RGL4: variants seen among roughly 807,000 people sequenced by gnomAD.
RGL4 encodes ral-GDS-related protein.
A neutral mutation model predicts 49.6 loss-of-function variants in RGL4; 41 were observed. The observed-to-expected ratio is 0.83, with a 90% confidence interval of 0.64 to 1.07. RGL4 has a LOEUF of 1.07. RGL4 is among the 50% of genes least tolerant of loss of function. The pLI, the probability that RGL4 is intolerant of heterozygous loss-of-function variation, is 0.00. For missense variants in RGL4, 610 were observed against 591.9 expected, an observed-to-expected ratio of 1.03 and a Z score of -0.32; for synonymous variants, 255 against 238.0, an observed-to-expected ratio of 1.07 and a Z score of -0.66.
intron 6 of RGL4, 79 bp downstream of exon 6, chr22:23,695,098 G>GGT: frequency 9.4e-7 from 1 of 1,059,048 alleles, no homozygotes; most frequent in Non-Finnish European, 1.5e-6. Context: ...CATTGGACCA[G>GGT]GTGTCGAGTG....
rs539278636 is a variant in RGL4, at chr22:23,691,972, C to A, written c.-59C>A. On this transcript the variant is annotated 5_prime_UTR_variant, in exon 1 of 11. Transcript: ENST00000290691. ...CCCAGCTCTCCCTGTCCTCCTCCCC[C>A]CGACATCTGCCCCTTCCCTCCTAAC... is the stretch of plus-strand genomic sequence containing the variant. 5.1e-6 allele frequency: 8 copies of A among 1,573,794 alleles called. No homozygotes were observed. Among genetic ancestry groups the A allele is most frequent in the Non-Finnish European group, 6.9e-6 (8 of 1,153,858 alleles).
At chr22:23,693,712 T>G in intron 3 of RGL4, 47 bp from the exon 4 acceptor site, 29 of 1,477,224 alleles carry the variant, frequency 2.0e-5, no homozygotes, top group Non-Finnish European at 2.6e-5. Context: ...TGGGTGACTC[T>G]GAGCTGCAGT....
intron 8 of RGL4, 132 bp downstream of exon 8, chr22:23,697,377 G>T: frequency 2.9e-6 from 2 of 691,946 alleles, no homozygotes; most frequent in Non-Finnish European, 5.0e-6. Flanking sequence ...CTGCTCCTGT[G>T]GGTGGGGGTG....
At chr22:23,697,494 G>C (rs1202084521) in intron 8 of RGL4, among the ~76,000 whole-genome samples, 2 of 152,188 alleles carry the variant, frequency 1.3e-5, no homozygotes, top group African/African-American at 4.8e-5. Flanking sequence ...AGCTGCTGAG[G>C]TGTGGGCTGA....
At chr22:23,693,234 A>AGCAGG (rs937486344) in intron 3 of RGL4, 2 of 697,290 alleles carry the variant, frequency 2.9e-6, no homozygotes, top group Non-Finnish European at 4.6e-6. Context: ...ATGGACAGAA[A>AGCAGG]GCAGGGCAGG....
chr22:23,695,348 T>C (rs1256949839), intron 6 of RGL4: 4 of 465,782 alleles, frequency 8.6e-6, no homozygotes, highest in African/African-American at 4.0e-5. Flanking sequence ...GCTGCTGGCA[T>C]GGAGCTTCCT....
Position 23,696,658 on chromosome 22 carries a change from A to C in RGL4, c.1131A>C (p.Arg377Ser), listed in dbSNP as rs1245037413. 4 of 1,613,556 alleles carry C rather than the reference A, an allele frequency of 2.5e-6. No individual in the cohort carries two copies. The African/African-American group carries it at 4.0e-5, about 16-fold the overall frequency. Residue 377 changes from arginine to serine, a missense_variant, in exon 7 of 11, where the codon AGA becomes AGC. Arg to Ser is a moderately radical substitution (Grantham distance 110). Coordinates refer to ENST00000290691, the MANE Select transcript of RGL4 (RefSeq NM_153615.2). ...KVATQERNPQ[R>S]VQMRLRRQKK... Reference sequence around the variant, plus strand: ...CCACCCAGGAGAGGAACCCCCAGAGAGTCCAGATGAGGCTGCGGAGGCAGA... The same window carrying C: ...CCACCCAGGAGAGGAACCCCCAGAGCGTCCAGATGAGGCTGCGGAGGCAGA...
intron 10 of RGL4, 70 bp from the exon 11 acceptor site, chr22:23,698,774 T>G: frequency 1.3e-6 from 2 of 1,523,100 alleles, no homozygotes; most frequent in South Asian, 2.5e-5. Context: ...GGATTCCAGC[T>G]GGGCAGGCAC....
intron 6 of RGL4, 156 bp from the exon 7 acceptor site, chr22:23,696,458 G>A (rs1489950444): frequency 1.9e-6 from 3 of 1,544,332 alleles, no homozygotes; most frequent in Non-Finnish European, 1.7e-6. Context: ...CTGCAAGACT[G>A]GGTGACACAC....
rs137903597 is a variant in RGL4, at chr22:23,697,314, C to T, written c.1236+69C>T. ...AGCTTGGGAGGAGAGGGTCCTGGAC[C>T]GAGCCTTTAGATCTCAGCCCTTGGC... On this transcript the variant is annotated intron_variant, in intron 8 of 10. Transcript: ENST00000290691. The T allele has an allele frequency of 5.5e-4, 717 of 1,307,138 alleles. 2 individuals are homozygous for T. In the African/African-American group the frequency reaches 9.0e-3, roughly 16 times the overall value. 81.0% of individuals were successfully genotyped at this position (1,307,138 alleles called of 1,614,324 possible). A position where few individuals can be genotyped will look rare whatever the true frequency, so the allele number is the denominator to read the frequency against.
intron 4 of RGL4, 132 bp from the exon 5 acceptor site, chr22:23,694,215 C>T (rs1391389020): frequency 2.5e-6 from 2 of 786,532 alleles, no homozygotes; most frequent in Non-Finnish European, 4.3e-6. Flanking sequence ...ATCCACTCGG[C>T]CCCAGGTCTG....
intron 3 of RGL4, 103 bp from the exon 4 acceptor site, chr22:23,693,656 G>T (rs1028818319): frequency 8.5e-6 from 8 of 939,510 alleles, no homozygotes; most frequent in Non-Finnish European, 1.2e-5. Context: ...CTTGGTTCCT[G>T]CCAGAGACCG....
chr22:23,693,484 T>A (rs1277570216), intron 3 of RGL4, among the ~76,000 whole-genome samples: 1 of 152,138 alleles, frequency 6.6e-6, no homozygotes, highest in Non-Finnish European at 1.5e-5. Context: ...TGAGCCACCT[T>A]CTAGTTCTTA....
In RGL4 at chr22:23,693,993, T is replaced by C. The variant is rs748119177; in HGVS notation, c.912+19T>C. 2 of 1,606,228 alleles carry C rather than the reference T, an allele frequency of 1.2e-6. No individual in the cohort carries two copies. The highest frequency in any genetic ancestry group is 1.1e-5 in the South Asian group (1 of 90,928). On this transcript the variant is annotated intron_variant, in intron 4 of 10. Transcript: ENST00000290691. ...GGCCAGGGTAAGCTATGGTTGGGCC[T>C]GGGGATTCCCTCTTTAAAAATGGGG...
At position 23,691,134 on chromosome 22, in the gene RGL4, C is replaced by T. The variant is rs1006846505; in HGVS notation, c.-897C>T. On this transcript the variant is annotated 5_prime_UTR_variant, in exon 1 of 11. Transcript: ENST00000290691. ...CAGCAAACAAAGGGGTCCCTAGAGCCTAAAACTCTGGAAAATCTGCTGGGG... is the reference window on the plus strand; with the variant it reads ...CAGCAAACAAAGGGGTCCCTAGAGCTTAAAACTCTGGAAAATCTGCTGGGG... 48 of 152,324 alleles carry T rather than the reference C, an allele frequency of 3.2e-4. 1 individual carries two copies. The highest frequency in any genetic ancestry group is 1.1e-3 in the African/African-American group (47 of 41,568). The allele number at this position is 152,324 out of a possible 1,614,324, so 9.4% of individuals were successfully genotyped here. A position where few individuals can be genotyped will look rare whatever the true frequency, so the allele number is the denominator to read the frequency against.
In RGL4 at chr22:23,691,580, T is replaced by C. The variant is rs7292680; in HGVS notation, c.-451T>C. On this transcript the variant is annotated 5_prime_UTR_variant, in exon 1 of 11. Coordinates refer to ENST00000290691, the MANE Select transcript of RGL4 (RefSeq NM_153615.2). Reference sequence around the variant, plus strand: ...CACAGTAGACAGAATAAACAAGTCATATCTACAGAATGTTACAGGTGAGAC... The same window carrying C: ...CACAGTAGACAGAATAAACAAGTCACATCTACAGAATGTTACAGGTGAGAC... 10,894 of 164,364 alleles carry C rather than the reference T, an allele frequency of 0.066. 1,307 individuals carry two copies. Among genetic ancestry groups the C allele is most frequent in the African/African-American group, 0.24 (10,234 of 41,870 alleles). The allele number at this position is 164,364 out of a possible 1,614,324, so 10.2% of individuals were successfully genotyped here. A position where few individuals can be genotyped will look rare whatever the true frequency, so the allele number is the denominator to read the frequency against.
Position 23,691,328 on chromosome 22 carries a change from C to G in RGL4, c.-703C>G, listed in dbSNP as rs553932893. On this transcript the variant is annotated 5_prime_UTR_variant, in exon 1 of 11. Transcript: ENST00000290691. ...AGATTCCTTCTGGCTGGTCTTTCTC[C>G]TTGACACAGACAGAAGAGGGGTCCC... The G allele has an allele frequency of 6.6e-6, 1 of 152,180 alleles. No individual in the cohort carries two copies. Among genetic ancestry groups the G allele is most frequent in the Non-Finnish European group, 1.5e-5 (1 of 68,048 alleles). The allele number at this position is 152,180 out of a possible 1,614,324, so 9.4% of individuals were successfully genotyped here. A position where few individuals can be genotyped will look rare whatever the true frequency, so the allele number is the denominator to read the frequency against.
rs368806473 is a variant in RGL4 at position 23,693,753 on chromosome 22, C to G, written c.697-6C>G. On this transcript the variant is annotated splice_region_variant and splice_polypyrimidine_tract_variant and intron_variant, in intron 3 of 10. Coordinates refer to ENST00000290691, the MANE Select transcript of RGL4 (RefSeq NM_153615.2). ...GTGTCCGTGACACTCTCCTCCTCCC[C>G]CAAAGGAGCTGTTCAAGAAGGTGGT... is the stretch of plus-strand genomic sequence containing the variant. 3.3e-5 allele frequency: 54 copies of G among 1,612,536 alleles called. No homozygotes were observed. Among genetic ancestry groups the G allele is most frequent in the African/African-American group, 4.0e-5 (3 of 74,868 alleles).
chr22:23,693,228 A>C (rs113590701), intron 3 of RGL4: 1 of 729,106 alleles, frequency 1.4e-6, no homozygotes, highest in Admixed American at 3.1e-5. Context: ...CAGGAGATGG[A>C]CAGAAAGCAG....
Sources: allele counts gnomAD v4.1 joint callset (sites outside exome capture counted in the v4.1 genomes callset), GRCh38; gene constraint gnomAD v4.1.1; transcripts MANE v1.5; gene names NCBI Gene and HGNC (gene_info 2026-07-23, HGNC 2026-07-21).